Variants in CPNE4 observed in about 807,000 individuals in gnomAD.
CPNE4 encodes copine 4, also known as copine-4.
A neutral mutation model predicts 67.9 loss-of-function variants in CPNE4; 25 were observed. That is an observed-to-expected ratio of 0.37 (90% CI 0.27 to 0.51). The LOEUF (loss-of-function observed/expected upper bound fraction) is 0.51. Among genes scored for constraint, CPNE4 ranks in the 20% least tolerant of loss-of-function variants. The pLI, the probability that CPNE4 is intolerant of heterozygous loss-of-function variation, is 0.93. For missense variants in CPNE4, 464 were observed against 690.8 expected (o/e 0.67, Z 3.68); for synonymous variants, 242 against 244.9 (o/e 0.99, Z 0.11).
chr3:131,617,026 T>C (rs191799499), intron 7 of CPNE4, among the ~76,000 whole-genome samples: 9 of 152,312 alleles, frequency 5.9e-5, no homozygotes, highest in African/African-American at 2.2e-4. Flanking sequence ...GTCACTTGTA[T>C]GATGTAGATT....
At chr3:131,786,102 C>T (rs938941825) in intron 2 of CPNE4, among the ~76,000 whole-genome samples, 11 of 152,186 alleles carry the variant, frequency 7.2e-5, no homozygotes, top group Middle Eastern at 3.4e-3. Flanking sequence ...CACCAGCTCT[C>T]CAGGTCTGAG....
intron 7 of CPNE4, among the ~76,000 whole-genome samples, chr3:131,588,357 G>A (rs575630950): frequency 1.3e-5 from 2 of 152,136 alleles, no homozygotes; most frequent in Non-Finnish European, 2.9e-5. Flanking sequence ...AGGTCTCCAC[G>A]TACTCCCAGG....
chr3:131,942,503 AGAGAGAGAGAG>A (rs2071430008), intron 1 of CPNE4, among the ~76,000 whole-genome samples: 1 of 124,870 alleles, frequency 8.0e-6, no homozygotes, highest in South Asian at 2.4e-4. Flanking sequence ...AGAGAGAGAG[AGAGAGAGAGAG>A]ATCATTTTAT....
At chr3:131,714,698 C>T (rs943051071) in intron 3 of CPNE4, among the ~76,000 whole-genome samples, 3 of 152,168 alleles carry the variant, frequency 2.0e-5, no homozygotes, top group Non-Finnish European at 2.9e-5. Flanking sequence ...ATTATTGAAT[C>T]TCTCCCTAGA....
At chr3:131,757,672 C>A (rs1261336970) in intron 2 of CPNE4, among the ~76,000 whole-genome samples, 1 of 152,188 alleles carries the variant, frequency 6.6e-6, no homozygotes, top group Non-Finnish European at 1.5e-5. Flanking sequence ...CCCCAACACC[C>A]TGGGGAAAAT....
intron 2 of CPNE4, among the ~76,000 whole-genome samples, chr3:131,854,641 G>A (rs2086365533): frequency 6.6e-6 from 1 of 151,754 alleles, no homozygotes; most frequent in African/African-American, 2.4e-5. Flanking sequence ...TCCATGTAAG[G>A]CATCTACATT....
intron 8 of CPNE4, among the ~76,000 whole-genome samples, chr3:131,585,645 C>A (rs969165427): frequency 6.6e-6 from 1 of 152,118 alleles, no homozygotes; most frequent in African/African-American, 2.4e-5. Flanking sequence ...TGGACTATTT[C>A]TATTCATAGA....
intron 2 of CPNE4, among the ~76,000 whole-genome samples, chr3:131,863,900 A>T (rs1241507472): frequency 2.6e-5 from 4 of 152,154 alleles, no homozygotes; most frequent in African/African-American, 9.6e-5. Context: ...TAAGGAAGGG[A>T]TCCAGTTTCA....
intron 15 of CPNE4, among the ~76,000 whole-genome samples, chr3:131,541,918 A>T (rs1320973203): frequency 2.0e-5 from 3 of 151,930 alleles, no homozygotes; most frequent in Non-Finnish European, 4.4e-5. Context: ...CGATACACCC[A>T]CCTTGGCCTC....
intron 2 of CPNE4, among the ~76,000 whole-genome samples, chr3:131,855,340 C>T (rs1230221528): frequency 6.6e-6 from 1 of 151,900 alleles, no homozygotes; most frequent in East Asian, 1.9e-4. Flanking sequence ...TGGAATTGTG[C>T]CCACTAAGGT....
chr3:132,032,586 T>G (rs996459189), intron 1 of CPNE4, among the ~76,000 whole-genome samples: 2 of 152,212 alleles, frequency 1.3e-5, no homozygotes, highest in South Asian at 4.1e-4. Flanking sequence ...CCTTTATTAG[T>G]ATGCACTATT....
intron 2 of CPNE4, among the ~76,000 whole-genome samples, chr3:131,820,302 TA>T (rs548719087): frequency 3.3e-4 from 50 of 152,228 alleles, no homozygotes; most frequent in Non-Finnish European, 7.2e-4. Flanking sequence ...CAGCCTTGCC[TA>T]ATCTCTTGGG....
rs903712263 is a variant in CPNE4 at position 131,833,037 on chromosome 3, T to C, written c.180+72227A>G. Among the ~76,000 whole-genome samples the C allele has an allele frequency of 6.6e-5, 10 of 152,044 alleles. No individual in the cohort carries two copies. The South Asian group carries it at 2.1e-3, about 32-fold the overall frequency. On this transcript the variant is annotated intron_variant, in intron 2 of 15. Coordinates refer to ENST00000429747, the MANE Select transcript of CPNE4 (RefSeq NM_130808.3). The stretch of plus-strand genomic sequence containing the variant: ...CCCTCATGAGTAGGATCAGTGCCTA[T>C]AAAAGAGACCCCAGAGCCTTGTATC...
chr3:131,655,650 C>T (rs73871342), intron 7 of CPNE4, among the ~76,000 whole-genome samples: 35,028 of 151,724 alleles, frequency 0.23, 4,344 homozygotes, highest in Non-Finnish European at 0.25. Context: ...AAACCGACGT[C>T]GGGGGGCAGG....
intron 7 of CPNE4, among the ~76,000 whole-genome samples, chr3:131,593,412 C>T (rs1383697682): frequency 6.6e-6 from 1 of 152,026 alleles, no homozygotes; most frequent in East Asian, 1.9e-4. Flanking sequence ...TTTTACTGTT[C>T]TTGATGCTAT....
At chr3:131,738,476 C>CAA (rs58831497) in intron 2 of CPNE4, among the ~76,000 whole-genome samples, 152,217 of 152,338 alleles carry the variant, frequency 1, 76,048 homozygotes, top group Middle Eastern at 1. Context: ...CAGAAATACC[C>CAA]AGACACCACT....
intron 1 of CPNE4, among the ~76,000 whole-genome samples, chr3:131,991,550 T>G (rs1388841739): frequency 1.5e-5 from 2 of 135,914 alleles, no homozygotes; most frequent in African/African-American, 4.9e-5. Flanking sequence ...GGAAGAAATT[T>G]CTAAGTGGCA....
chr3:131,582,825 TG>T (rs142434558), intron 8 of CPNE4, among the ~76,000 whole-genome samples: 3,988 of 152,324 alleles, frequency 0.026, 97 homozygotes, highest in African/African-American at 0.068. Flanking sequence ...CCATCCTGGC[TG>T]CTGAGGCACA....
intron 1 of CPNE4, among the ~76,000 whole-genome samples, chr3:131,939,089 G>A (rs959026943): frequency 6.6e-6 from 1 of 152,040 alleles, no homozygotes; most frequent in Non-Finnish European, 1.5e-5. Context: ...ATACCATTCC[G>A]AATTGTAAAC....
Sources: gnomAD v4.1 joint callset for allele counts (sites outside exome capture counted in the v4.1 genomes callset) on GRCh38, gnomAD v4.1.1 for gene constraint, MANE v1.5 for transcripts, NCBI Gene and HGNC (gene_info 2026-07-23, HGNC 2026-07-21) for gene names.